The following HEMK1 variants were observed in gnomAD, a reference collection of about 807,000 sequenced individuals.
HEMK1 encodes MTRF1L release factor glutamine methyltransferase.
A neutral mutation model predicts 47.9 loss-of-function variants in HEMK1; 36 were observed. The observed-to-expected ratio is 0.75, with a 90% CI of 0.58 to 0.99. HEMK1 has a LOEUF of 0.99. Among genes scored for constraint, HEMK1 ranks in the 50% least tolerant of loss-of-function variants. The pLI, the probability that HEMK1 is intolerant of heterozygous loss-of-function variation, is 0.00. For missense variants in HEMK1, 383 were observed against 434.5 expected (o/e 0.88, Z 1.05); for synonymous variants, 153 against 165.4 (o/e 0.93, Z 0.57).
rs2030848873 is a variant in HEMK1 at position 50,581,806 on chromosome 3, A to G, written c.*1389A>G. 1 of 152,226 alleles carries G rather than the reference A, an allele frequency of 6.6e-6. No individual in the cohort carries two copies. Among genetic ancestry groups the G allele is most frequent in the Admixed American group, 6.5e-5 (1 of 15,274 alleles). 9.4% of individuals were successfully genotyped at this position (152,226 alleles called of 1,614,324 possible). On this transcript the variant is annotated 3_prime_UTR_variant, in exon 11 of 11. Coordinates refer to ENST00000232854, the MANE Select transcript of HEMK1 (RefSeq NM_016173.5). ...GCCCTGCACTATGGCTGGAGGACAC[A>G]TTTGGTAGAGGTCACACTGCAGCTC... is the stretch of plus-strand genomic sequence containing the variant.
rs2031440785 is a variant in HEMK1, at chr3:50,587,299, G to GTA, written c.*6885_*6886dup. The stretch of plus-strand genomic sequence containing the variant: ...GCTGCTCCTGGGTGCATCTCCTGAG[G>GTA]TATAGGGCCAGGGCCTCAGTCTCTC... On this transcript the variant is annotated 3_prime_UTR_variant, in exon 11 of 11. Transcript: ENST00000232854. The surrounding 1 kb of genome is among the most constrained non-coding windows in gnomAD (Gnocchi z 4.2). The GTA allele has an allele frequency of 6.6e-6, 1 of 152,246 alleles. No homozygotes were observed. Among genetic ancestry groups the GTA allele is most frequent in the African/African-American group, 2.4e-5 (1 of 41,424 alleles). 9.4% of individuals were successfully genotyped at this position (152,246 alleles called of 1,614,324 possible). A position where few individuals can be genotyped will look rare whatever the true frequency, so the allele number is the denominator to read the frequency against.
At chr3:50,573,237 G>A (rs1701216308) in intron 4 of HEMK1, among the ~76,000 whole-genome samples, 1 of 152,180 alleles carries the variant, frequency 6.6e-6, no homozygotes, top group Non-Finnish European at 1.5e-5. Context: ...GCAGCACGTG[G>A]ACTTCCTGAC....
rs1360646064 is a variant in HEMK1 at position 50,575,891 on chromosome 3, C to A, written c.415-1161C>A. Among the ~76,000 whole-genome samples, 6 of 152,226 alleles carry A rather than the reference C, an allele frequency of 3.9e-5. No homozygotes were observed. The South Asian group carries it at 1.0e-3, about 26-fold the overall frequency. ...AATTTTGGCCATTGGACGGCAGGAG[C>A]CTTCCACCCTTTACCCCTACCCTAT... On this transcript the variant is annotated intron_variant, in intron 4 of 10. Coordinates refer to ENST00000232854, the MANE Select transcript of HEMK1 (RefSeq NM_016173.5).
chr3:50,572,295 C>T (rs1701088313), intron 4 of HEMK1, 87 bp downstream of exon 4: 1 of 1,502,934 alleles, frequency 6.7e-7, no homozygotes, highest in East Asian at 2.4e-5. Flanking sequence ...CCAGGGGGCA[C>T]TGGGGCCCCA....
rs1167877001 is a variant in HEMK1, at chr3:50,583,307, C to T, written c.*2890C>T. 6.6e-6 allele frequency: 1 copy of T among 152,228 alleles called. No individual in the cohort carries two copies. Among genetic ancestry groups the T allele is most frequent in the Non-Finnish European group, 1.5e-5 (1 of 68,040 alleles). The allele number at this position is 152,228 out of a possible 1,614,324, so 9.4% of individuals were successfully genotyped here. On this transcript the variant is annotated 3_prime_UTR_variant, in exon 11 of 11. Coordinates refer to ENST00000232854, the MANE Select transcript of HEMK1 (RefSeq NM_016173.5). The stretch of plus-strand genomic sequence containing the variant: ...CCGAACCCCCTAAATGCAAAAAATA[C>T]TCTTTTTTGCTCCTTTACCCCCACC...
chr3:50,572,523 C>T (rs1174946209), intron 4 of HEMK1, among the ~76,000 whole-genome samples: 2 of 152,196 alleles, frequency 1.3e-5, no homozygotes, highest in Non-Finnish European at 2.9e-5. Flanking sequence ...CATGGCTCAC[C>T]CAACCCACAG....
In HEMK1 at chr3:50,585,834, AAC is replaced by A. The variant is rs1170085243; in HGVS notation, c.*5421_*5422del. The A allele has an allele frequency of 6.6e-6, 1 of 152,258 alleles. No homozygotes were observed. Among genetic ancestry groups the A allele is most frequent in the Non-Finnish European group, 1.5e-5 (1 of 68,052 alleles). 9.4% of individuals were successfully genotyped at this position (152,258 alleles called of 1,614,324 possible). A position where few individuals can be genotyped will look rare whatever the true frequency, so the allele number is the denominator to read the frequency against. ...GAGAGGGATGGGGCTTACTTGAAGT[AAC>A]ACAGCACTTGACTCCTGACTCCCAG... On this transcript the variant is annotated 3_prime_UTR_variant, in exon 11 of 11. Coordinates refer to ENST00000232854, the MANE Select transcript of HEMK1 (RefSeq NM_016173.5).
intron 4 of HEMK1, among the ~76,000 whole-genome samples, chr3:50,574,026 C>G (rs925813001): frequency 6.6e-6 from 1 of 152,178 alleles, no homozygotes; most frequent in Non-Finnish European, 1.5e-5. Context: ...GGATGCCATC[C>G]TAATAGAGGG....
At chr3:50,571,904 AG>A in intron 3 of HEMK1, 103 bp downstream of exon 3, 1 of 1,177,394 alleles carries the variant, frequency 8.5e-7, no homozygotes, top group Non-Finnish European at 1.2e-6. Flanking sequence ...TCCAAGGACT[AG>A]GGAGGTGTTG....
chr3:50,571,986 C>G (rs1374481936), intron 3 of HEMK1, 129 bp from the exon 4 acceptor site: 1 of 1,485,342 alleles, frequency 6.7e-7, no homozygotes, highest in African/African-American at 1.4e-5. Flanking sequence ...GGTTTTGCCT[C>G]AGGAGTCCCA....
Position 50,580,451 on chromosome 3 carries a change from C to A in HEMK1, c.*34C>A. On this transcript the variant is annotated 3_prime_UTR_variant, in exon 11 of 11. Transcript: ENST00000232854. Reference sequence around the variant, plus strand: ...CCCTGTGGATGCCTTGTCAGTGCCGCCAGCCTGACCAGAGGGGAGGTGGAT... The same window carrying A: ...CCCTGTGGATGCCTTGTCAGTGCCGACAGCCTGACCAGAGGGGAGGTGGAT... 2 of 1,611,816 alleles carry A rather than the reference C, an allele frequency of 1.2e-6. No individual in the cohort carries two copies. The highest frequency in any genetic ancestry group is 3.3e-5 in the Admixed American group (2 of 59,998).
rs1701066215 is a variant in HEMK1, at chr3:50,572,199, A to G, written c.405A>G (p.Pro135=). The G allele has an allele frequency of 6.2e-7, 1 of 1,613,440 alleles. No individual in the cohort carries two copies. Among genetic ancestry groups the G allele is most frequent in the African/African-American group, 1.3e-5 (1 of 75,018 alleles). Residue 135 remains proline, a synonymous_variant, in exon 4 of 11, where the codon CCA becomes CCG. Coordinates refer to ENST00000232854, the MANE Select transcript of HEMK1 (RefSeq NM_016173.5). ...RMVPPVFIPR[P]ETEELVEWVL... Reference sequence around the variant, plus strand: ...TGCCCCCAGTGTTTATTCCTCGGCCAGAAACAGAGGTAGGTGTGCCACCAG... The same window carrying G: ...TGCCCCCAGTGTTTATTCCTCGGCCGGAAACAGAGGTAGGTGTGCCACCAG...
chr3:50,579,908 GC>G lies in HEMK1; in HGVS notation c.837del (p.Leu280TrpfsTer6). ...CATGGACATCATTACCCACATTCTG[GC>G]CTTGGCACCCCGGCTCCTGAAAGAC... The part of the protein sequence containing the change: ...EGMDIITHIL[A>X]LAPRLLKDSG... On this transcript the variant is annotated frameshift_variant, in exon 9 of 11. Coordinates refer to ENST00000232854, the MANE Select transcript of HEMK1 (RefSeq NM_016173.5). LOFTEE classifies it high-confidence loss of function. The G allele has an allele frequency of 6.2e-7, 1 of 1,614,016 alleles. No homozygotes were observed. The highest frequency in any genetic ancestry group is 8.5e-7 in the Non-Finnish European group (1 of 1,179,956).
intron 4 of HEMK1, among the ~76,000 whole-genome samples, chr3:50,575,750 C>G (rs1428990093): frequency 1.3e-5 from 2 of 152,214 alleles, no homozygotes; most frequent in East Asian, 3.9e-4. Context: ...AGTCCTGACC[C>G]TCTGGGGGGC....
At position 50,577,612 on chromosome 3, in the gene HEMK1, T is replaced by A. The variant is rs761214747; in HGVS notation, c.614+39T>A. The A allele has an allele frequency of 3.8e-6, 6 of 1,582,952 alleles. No homozygotes were observed. The East Asian group carries it at 1.3e-4, about 35-fold the overall frequency. On this transcript the variant is annotated intron_variant, in intron 6 of 10. Coordinates refer to ENST00000232854, the MANE Select transcript of HEMK1 (RefSeq NM_016173.5). ...TTGCACTTTGGGGCCTAATCTTGAC[T>A]CCTTTTCAGGTTTCAAACTCACCAA...
chr3:50,574,608 C>T (rs898641668), intron 4 of HEMK1, among the ~76,000 whole-genome samples: 1 of 152,172 alleles, frequency 6.6e-6, no homozygotes, highest in Non-Finnish European at 1.5e-5. Flanking sequence ...CACCTGACAA[C>T]AACTGGTCAC....
chr3:50,577,841 C>CA lies in HEMK1; in HGVS notation c.631dup (p.Arg211LysfsTer44). Reference sequence around the variant, plus strand: ...GTCTGTGTAGGCTTCGGTTGCAGGACAGGATTTGGATCATCCACCTCGACA... The same window carrying CA: ...GTCTGTGTAGGCTTCGGTTGCAGGACAAGGATTTGGATCATCCACCTCGACA... On this transcript the variant is annotated frameshift_variant, in exon 7 of 11. Coordinates refer to ENST00000232854, the MANE Select transcript of HEMK1 (RefSeq NM_016173.5). LOFTEE classifies it high-confidence loss of function. 1 of 1,613,962 alleles carries CA rather than the reference C, an allele frequency of 6.2e-7. No individual in the cohort carries two copies. Among genetic ancestry groups the CA allele is most frequent in the South Asian group, 1.1e-5 (1 of 91,072 alleles).
At chr3:50,578,456 T>G (rs1193629428) in intron 7 of HEMK1, among the ~76,000 whole-genome samples, 1 of 152,142 alleles carries the variant, frequency 6.6e-6, no homozygotes. Flanking sequence ...CTACCCTCCA[T>G]GTACTCTCAG....
intron 6 of HEMK1, 68 bp from the exon 7 acceptor site, chr3:50,577,758 G>A: frequency 6.6e-7 from 1 of 1,524,142 alleles, no homozygotes; most frequent in South Asian, 1.1e-5. Flanking sequence ...TTGACTATAA[G>A]ACCTCATTCT....
Sources: allele counts gnomAD v4.1 joint callset (sites outside exome capture counted in the v4.1 genomes callset), GRCh38; gene constraint gnomAD v4.1.1; non-coding constraint Gnocchi (gnomAD v3.1); transcripts MANE v1.5; gene names NCBI Gene and HGNC (gene_info 2026-07-23, HGNC 2026-07-21).